The following DIAPH3 variants were observed in gnomAD, a reference collection of about 807,000 sequenced individuals.
DIAPH3 encodes diaphanous related formin 3.
In DIAPH3, 117 loss-of-function variants were observed where a neutral mutation model predicts 144.3. The ratio of observed to expected loss-of-function variants is 0.81; its 90% CI spans 0.70 to 0.95. DIAPH3 has a LOEUF of 0.95. Ranked by LOEUF, DIAPH3 falls within the 40% of genes least tolerant of loss-of-function variation. The pLI, the probability that DIAPH3 is intolerant of heterozygous loss-of-function variation, is 0.00. For missense variants in DIAPH3, 1,421 were observed against 1,412.7 expected, an observed-to-expected ratio of 1.01 and a Z score of -0.09; for synonymous variants, 519 against 488.9, an observed-to-expected ratio of 1.06 and a Z score of -0.81.
At chr13:59,771,800 TGATA>T (rs1323181332) in intron 27 of DIAPH3, among the ~76,000 whole-genome samples, 1 of 152,166 alleles carries the variant, frequency 6.6e-6, no homozygotes, top group Non-Finnish European at 1.5e-5. Context: ...ATTGACTCTC[TGATA>T]GAAATATTTG....
chr13:60,043,163 A>G (rs1178295037), intron 4 of DIAPH3, among the ~76,000 whole-genome samples: 1 of 152,194 alleles, frequency 6.6e-6, no homozygotes, highest in East Asian at 1.9e-4. Flanking sequence ...TCAATACAAG[A>G]ACTACCCTAT....
chr13:59,793,719 A>G (rs942519337), intron 25 of DIAPH3, among the ~76,000 whole-genome samples: 3 of 151,630 alleles, frequency 2.0e-5, no homozygotes, highest in Admixed American at 6.6e-5. Context: ...TTTACTGAAA[A>G]CTCCCAAGTT....
intron 5 of DIAPH3, 33 bp downstream of exon 5, chr13:60,042,657 T>C: frequency 5.6e-6 from 9 of 1,612,574 alleles, no homozygotes; most frequent in Non-Finnish European, 7.6e-6. Context: ...ATTAATGACA[T>C]CTGCCCTGTT....
intron 18 of DIAPH3, among the ~76,000 whole-genome samples, chr13:59,918,942 TACAA>T (rs1414435680): frequency 5.9e-4 from 16 of 26,898 alleles, no homozygotes; most frequent in East Asian, 5.0e-3. Context: ...TTCAAGAAAA[TACAA>T]AAAAAAAAAA....
chr13:59,734,485 C>G (rs1488451592), intron 27 of DIAPH3, among the ~76,000 whole-genome samples: 1 of 152,134 alleles, frequency 6.6e-6, no homozygotes, highest in Non-Finnish European at 1.5e-5. Context: ...AATCATCTAA[C>G]TTTGCCTCTG....
intron 14 of DIAPH3, 126 bp from the exon 15 acceptor site, chr13:59,974,582 G>C (rs1180887753): frequency 1.2e-6 from 1 of 867,660 alleles, no homozygotes; most frequent in Non-Finnish European, 1.8e-6. Flanking sequence ...TTTTATGAAA[G>C]GAGTGATAGA....
At chr13:59,838,549 C>T (rs2042161944) in intron 23 of DIAPH3, 1 of 152,050 alleles carries the variant, frequency 6.6e-6, no homozygotes, top group Admixed American at 6.6e-5. Context: ...TTTTATGGAG[C>T]ACAAACTAAT....
intron 24 of DIAPH3, among the ~76,000 whole-genome samples, chr13:59,816,458 T>C (rs1025226854): frequency 1.3e-5 from 2 of 151,704 alleles, no homozygotes; most frequent in Non-Finnish European, 1.5e-5. Flanking sequence ...TCCTCTCTTT[T>C]TACTATTTTC....
intron 4 of DIAPH3, among the ~76,000 whole-genome samples, chr13:60,063,086 C>T (rs2056831152): frequency 6.6e-6 from 1 of 152,190 alleles, no homozygotes; most frequent in Non-Finnish European, 1.5e-5. Flanking sequence ...AAACTTCTTT[C>T]AAAATTGGAG....
intron 5 of DIAPH3, among the ~76,000 whole-genome samples, chr13:60,028,153 C>A (rs188254807): frequency 1.1e-4 from 16 of 152,158 alleles, no homozygotes; most frequent in South Asian, 2.1e-4. Context: ...ATGTGTTCAC[C>A]AAGTTCCATT....
intron 1 of DIAPH3, among the ~76,000 whole-genome samples, chr13:60,148,307 G>C (rs1217349674): frequency 6.6e-6 from 1 of 152,210 alleles, no homozygotes; most frequent in East Asian, 1.9e-4. Flanking sequence ...GAAGTCATCA[G>C]CTTCTAAATC....
In DIAPH3 at chr13:60,116,395, T is replaced by C. The variant is rs2058704461; in HGVS notation, c.214-4209A>G. 2.6e-5 allele frequency among the ~76,000 whole-genome samples: 4 copies of C among 152,116 alleles called. No individual in the cohort carries two copies. The South Asian group carries it at 8.3e-4, about 31-fold the overall frequency. On this transcript the variant is annotated intron_variant, in intron 2 of 27. Transcript: ENST00000400324. ...ATATATGTCCAGAAGTTACTATCCC[T>C]ATGTACATTTGTACCCTCATTACTG... is the stretch of plus-strand genomic sequence containing the variant.
intron 9 of DIAPH3, among the ~76,000 whole-genome samples, chr13:60,003,527 A>C (rs1449903235): frequency 1.3e-5 from 2 of 150,348 alleles, no homozygotes; most frequent in Non-Finnish European, 3.0e-5. Context: ...ACATATATAT[A>C]TAGATATATC....
chr13:59,773,946 T>A (rs1374943489), intron 27 of DIAPH3: 2 of 449,830 alleles, frequency 4.4e-6, no homozygotes, highest in Admixed American at 7.8e-5. Flanking sequence ...TAACTTCAGA[T>A]AATTATAATA....
chr13:59,693,564 T>G (rs1445886680), intron 27 of DIAPH3, among the ~76,000 whole-genome samples: 1 of 152,166 alleles, frequency 6.6e-6, no homozygotes, highest in Non-Finnish European at 1.5e-5. Context: ...CGGAATTATT[T>G]GCAATCTCAC....
chr13:59,735,295 T>C (rs1197625432), intron 27 of DIAPH3, among the ~76,000 whole-genome samples: 1 of 152,170 alleles, frequency 6.6e-6, no homozygotes, highest in East Asian at 1.9e-4. Flanking sequence ...TTTAGATATT[T>C]TGTGACGTTA....
chr13:59,853,039 G>A (rs2043067265), intron 22 of DIAPH3, among the ~76,000 whole-genome samples: 1 of 152,050 alleles, frequency 6.6e-6, no homozygotes, highest in African/African-American at 2.4e-5. Flanking sequence ...AAACATCTGG[G>A]TTAAGTACTA....
chr13:59,715,963 T>C (rs535313540), intron 27 of DIAPH3, among the ~76,000 whole-genome samples: 17 of 152,246 alleles, frequency 1.1e-4, no homozygotes, highest in African/African-American at 3.9e-4. Flanking sequence ...GTTAAAAAAA[T>C]TTTAAAGTGG....
chr13:59,690,474 G>A (rs148361171), intron 27 of DIAPH3, among the ~76,000 whole-genome samples: 268 of 152,248 alleles, frequency 1.8e-3, no homozygotes, highest in African/African-American at 5.9e-3. Flanking sequence ...CTATACAGAA[G>A]AGGAATTGTA....
Sources: allele counts gnomAD v4.1 joint callset (sites outside exome capture counted in the v4.1 genomes callset), GRCh38; gene constraint gnomAD v4.1.1; transcripts MANE v1.5; gene names NCBI Gene and HGNC (gene_info 2026-07-23, HGNC 2026-07-21).